Variants in BANP observed in about 807,000 individuals in gnomAD.
BANP encodes BTG3 associated nuclear protein, also known as protein BANP.
A neutral mutation model predicts 68.1 loss-of-function variants in BANP; 11 were observed. The observed-to-expected ratio is 0.16, with a 90% CI of 0.10 to 0.27. The LOEUF is 0.27. Ranked by LOEUF, BANP falls within the 10% of genes least tolerant of loss-of-function variation. The probability of loss-of-function intolerance (pLI) is 1.00; values close to 1 mark genes in which losing one functional copy is unlikely to be tolerated. For synonymous variants in BANP, 329 were observed against 303.2 expected (o/e 1.09, Z -0.88); for missense variants, 504 against 722.7 (o/e 0.70, Z 3.47).
chr16:88,016,583 G>A (rs576925462), intron 6 of BANP, among the ~76,000 whole-genome samples: 1 of 152,340 alleles, frequency 6.6e-6, no homozygotes, highest in South Asian at 2.1e-4. Context: ...CCAGCGCCAG[G>A]CCCTTGGGTG....
At chr16:87,994,119 T>C (rs4843770) in intron 4 of BANP, among the ~76,000 whole-genome samples, 98,794 of 151,998 alleles carry the variant, frequency 0.65, 32,621 homozygotes, top group African/African-American at 0.74. Context: ...TGTGCTGCGG[T>C]GCACTGTGTC....
At position 88,018,991 on chromosome 16, in the gene BANP, C is replaced by A. The variant is rs771702141; in HGVS notation, c.895+324C>A. Among the ~76,000 whole-genome samples the A allele has an allele frequency of 6.6e-6, 1 of 151,478 alleles. No individual in the cohort carries two copies. The highest frequency in any genetic ancestry group is 1.5e-5 in the Non-Finnish European group (1 of 67,840). On this transcript the variant is annotated intron_variant, in intron 7 of 13. Transcript: ENST00000682872. The surrounding 1 kb of genome is among the most constrained non-coding windows in gnomAD (Gnocchi z 7.7). ...GAGGAAGAGAGAGGAGGAGGAGAGC[C>A]GGGGCCTTCCCTGCTGTCCTGGCCA...
chr16:88,061,449 GCT>G (rs1490048954), intron 11 of BANP, among the ~76,000 whole-genome samples: 1 of 152,210 alleles, frequency 6.6e-6, no homozygotes, highest in East Asian at 1.9e-4. Context: ...TGCTGTGTGT[GCT>G]CTGTTTCTGA....
chr16:87,978,430 G>C (rs1232463088), intron 2 of BANP: 2 of 349,348 alleles, frequency 5.7e-6, no homozygotes, highest in Admixed American at 3.9e-5. Context: ...GTCTCTCTCT[G>C]TTCTTCCAGG....
intron 8 of BANP, among the ~76,000 whole-genome samples, chr16:88,029,085 T>C (rs2152724035): frequency 6.6e-6 from 1 of 152,250 alleles, no homozygotes; most frequent in East Asian, 1.9e-4. Flanking sequence ...GGCAAACTGA[T>C]CACCTGAGGT....
chr16:88,033,458 G>A (rs2152743542), intron 9 of BANP, among the ~76,000 whole-genome samples: 1 of 152,292 alleles, frequency 6.6e-6, no homozygotes, highest in East Asian at 1.9e-4. Flanking sequence ...CCTAGGGATT[G>A]AAGCACATGG....
Position 88,027,648 on chromosome 16 carries a change from C to T in BANP, c.1061C>T (p.Ser354Leu). The T allele has an allele frequency of 6.2e-7, 1 of 1,613,138 alleles. No homozygotes were observed. Among genetic ancestry groups the T allele is most frequent in the Non-Finnish European group, 8.5e-7 (1 of 1,179,836 alleles). The change falls in exon 8 of 14, where the codon TCA becomes TTA. Residue 354 changes from serine to leucine, a missense_variant and splice_region_variant. Physicochemically the swap from Ser to Leu is moderately radical, Grantham distance 145. This residue lies in a region of BANP where 223 missense variants were observed against 246.2 expected (regional missense o/e 0.91). Transcript: ENST00000682872. ...RTPNSSSYCP[S>L]EPMMSTPPPA... ...CCCAACTCGTCCTCCTACTGCCCTTCAGGTAGGCCTCGTGCTGCAGGAGAG... is the reference window on the plus strand; with the variant it reads ...CCCAACTCGTCCTCCTACTGCCCTTTAGGTAGGCCTCGTGCTGCAGGAGAG...
At chr16:87,989,918 A>G (rs56017088) in intron 4 of BANP, among the ~76,000 whole-genome samples, 43,235 of 79,600 alleles carry the variant, frequency 0.54, 12,280 homozygotes, top group Non-Finnish European at 0.61. Context: ...GTGGCTGCGC[A>G]CATCCAGGAC....
At chr16:88,056,196 C>A (rs529394580) in intron 11 of BANP, among the ~76,000 whole-genome samples, 1 of 152,354 alleles carries the variant, frequency 6.6e-6, no homozygotes, top group Non-Finnish European at 1.5e-5. Flanking sequence ...GCAGAGTGTT[C>A]TGAGAGTGTG....
rs140659899 is a variant in BANP, at chr16:87,957,923, T to G, written c.-69+6408T>G. On this transcript the variant is annotated intron_variant, in intron 1 of 13. Coordinates refer to ENST00000682872, the MANE Select transcript of BANP (RefSeq NM_001386991.1). This position sits in a 1 kb window ranked among gnomAD's most constrained non-coding sequence, Gnocchi z 4.3. ...CAAGTGAGCTCAGCTCTTGTGTCGGTGGGAGCTGGCGGTGGGTCCCTGAGC... is the reference window on the plus strand; with the variant it reads ...CAAGTGAGCTCAGCTCTTGTGTCGGGGGGAGCTGGCGGTGGGTCCCTGAGC... 6.6e-6 allele frequency among the ~76,000 whole-genome samples: 1 copy of G among 152,078 alleles called. No homozygotes were observed. The highest frequency in any genetic ancestry group is 2.4e-5 in the African/African-American group (1 of 41,402).
At chr16:87,955,246 GCCAGCCGAGCGTCCA>G (rs2057809807) in intron 1 of BANP, among the ~76,000 whole-genome samples, 1 of 151,984 alleles carries the variant, frequency 6.6e-6, no homozygotes, top group African/African-American at 2.4e-5. Flanking sequence ...CCAGAGCCTT[GCCAGCCGAGCGTCCA>G]GGGGCCAGCT....
intron 12 of BANP, among the ~76,000 whole-genome samples, chr16:88,068,322 G>A (rs891679869): frequency 2.6e-5 from 4 of 152,246 alleles, no homozygotes; most frequent in African/African-American, 9.6e-5. Flanking sequence ...TCCCTGTGCT[G>A]TCGTGGAGTG....
intron 6 of BANP, among the ~76,000 whole-genome samples, chr16:88,006,947 CAAAAAAAAA>C (rs11349895): frequency 7.3e-5 from 6 of 81,672 alleles, no homozygotes; most frequent in African/African-American, 3.0e-4. Flanking sequence ...GACTCTGTCT[CAAAAAAAAA>C]AAAAAAAAAA....
chr16:87,967,060 C>T (rs887223059), intron 1 of BANP, among the ~76,000 whole-genome samples: 1 of 152,124 alleles, frequency 6.6e-6, no homozygotes, highest in African/African-American at 2.4e-5. Flanking sequence ...AGGAGGTTTC[C>T]CAGGGGGCTG....
intron 11 of BANP, among the ~76,000 whole-genome samples, chr16:88,061,690 G>GTTTTTGC (rs2086849572): frequency 6.6e-6 from 1 of 151,260 alleles, no homozygotes; most frequent in East Asian, 1.9e-4. Context: ...TTGAGACGGA[G>GTTTTTGC]TTTTTGCTTT....
intron 6 of BANP, among the ~76,000 whole-genome samples, chr16:88,013,152 G>A (rs1206012856): frequency 8.5e-5 from 13 of 152,324 alleles, no homozygotes; most frequent in African/African-American, 2.2e-4. Flanking sequence ...GGCCTAGAGC[G>A]TTTGCCTCCA....
intron 4 of BANP, among the ~76,000 whole-genome samples, chr16:87,999,122 G>A (rs1339962416): frequency 2.1e-5 from 3 of 141,322 alleles, no homozygotes; most frequent in East Asian, 2.2e-4. Context: ...ACCCAGACAC[G>A]TCTCCATGCA....
intron 4 of BANP, among the ~76,000 whole-genome samples, chr16:87,996,095 A>G (rs1436621943): frequency 6.6e-6 from 1 of 152,138 alleles, no homozygotes; most frequent in Non-Finnish European, 1.5e-5. Context: ...GAACAGAGTC[A>G]TGTCTGTTCT....
At position 88,064,968 on chromosome 16, in the gene BANP, A is replaced by G. The variant is rs1049008142; in HGVS notation, c.1312-299A>G. On this transcript the variant is annotated intron_variant, in intron 11 of 13. Coordinates refer to ENST00000682872, the MANE Select transcript of BANP (RefSeq NM_001386991.1). The surrounding 1 kb of genome is among the most constrained non-coding windows in gnomAD (Gnocchi z 4.5). Reference sequence around the variant, plus strand: ...TGGCTTTTAAAAACTCCTACAGTACAAACTCTTTCTAATGGAAAAAAGCGG... The same window carrying G: ...TGGCTTTTAAAAACTCCTACAGTACGAACTCTTTCTAATGGAAAAAAGCGG... Among the ~76,000 whole-genome samples the G allele has an allele frequency of 4.1e-4, 62 of 152,302 alleles. No homozygotes were observed. The highest frequency in any genetic ancestry group is 1.4e-3 in the African/African-American group (58 of 41,556).
Sources: gnomAD v4.1 joint callset for allele counts (sites outside exome capture counted in the v4.1 genomes callset) on GRCh38, gnomAD v4.1.1 for gene constraint, gnomAD v4.1.1 regional missense constraint, Gnocchi (gnomAD v3.1) non-coding constraint, MANE v1.5 for transcripts, NCBI Gene and HGNC (gene_info 2026-07-23, HGNC 2026-07-21) for gene names.